GMDS: variants seen among roughly 807,000 people sequenced by gnomAD.
GMDS encodes the protein GDP-mannose 4,6 dehydratase.
A neutral mutation model predicts 49.9 loss-of-function variants in GMDS; 20 were observed. That is an observed-to-expected ratio of 0.40 (90% CI 0.28 to 0.58). The LOEUF (loss-of-function observed/expected upper bound fraction) is 0.58, where lower values mean the gene tolerates loss of function less well. GMDS is among the 20% of genes least tolerant of loss of function. The pLI, the probability that GMDS is intolerant of heterozygous loss-of-function variation, is 0.42. For synonymous variants in GMDS, 177 were observed against 178.6 expected, an observed-to-expected ratio of 0.99 and a Z score of 0.07; for missense variants, 362 against 481.4, an observed-to-expected ratio of 0.75 and a Z score of 2.32.
intron 8 of GMDS, among the ~76,000 whole-genome samples, chr6:1,732,682 C>T (rs1036501949): frequency 1.3e-5 from 2 of 152,174 alleles, no homozygotes; most frequent in African/African-American, 2.4e-5. Flanking sequence ...GAACAACAAA[C>T]ATTTCTGTAT....
Position 2,230,229 on chromosome 6 carries a change from A to G in GMDS, c.102+15092T>C, listed in dbSNP as rs544005735. ...GTCCTACTAAAAGTTTCCATTACAC[A>G]TGCTATAAATTTTGACTGATGAAAA... On this transcript the variant is annotated intron_variant, in intron 1 of 10. Coordinates refer to ENST00000380815, the MANE Select transcript of GMDS (RefSeq NM_001500.4). 1.2e-4 allele frequency among the ~76,000 whole-genome samples: 19 copies of G among 152,352 alleles called. No individual in the cohort carries two copies. In the East Asian group the frequency reaches 3.1e-3, roughly 25 times the overall value.
At chr6:1,970,862 C>T (rs1764565106) in intron 4 of GMDS, among the ~76,000 whole-genome samples, 1 of 151,940 alleles carries the variant, frequency 6.6e-6, no homozygotes, top group Non-Finnish European at 1.5e-5. Flanking sequence ...GGGCTTAATA[C>T]CTAGGTGATG....
rs142479628 is a variant in GMDS, at chr6:2,017,899, T to C, written c.346-56933A>G. On this transcript the variant is annotated intron_variant, in intron 4 of 10. Transcript: ENST00000380815. ...AAAATTAAGCCATATTGTCACCAGG[T>C]CACCATTCTAACACTACTGAAGAAA... Among the ~76,000 whole-genome samples, 611 of 152,262 alleles carry C rather than the reference T, an allele frequency of 4.0e-3. 8 individuals carry two copies. The highest frequency in any genetic ancestry group is 0.014 in the African/African-American group (579 of 41,544).
At chr6:2,236,051 C>A (rs1162510671) in intron 1 of GMDS, among the ~76,000 whole-genome samples, 1 of 152,168 alleles carries the variant, frequency 6.6e-6, no homozygotes, top group Non-Finnish European at 1.5e-5. Flanking sequence ...CTCTCTGGAG[C>A]AGATGGAAGA....
At position 2,100,562 on chromosome 6, in the gene GMDS, C is replaced by T. The variant is rs755864891; in HGVS notation, c.345+15209G>A. On this transcript the variant is annotated intron_variant, in intron 4 of 10. Coordinates refer to ENST00000380815, the MANE Select transcript of GMDS (RefSeq NM_001500.4). ...AATGTAAATAAACTACAGATTATTC[C>T]GTAAAATATTTTGTATGTGGCAACA... Among the ~76,000 whole-genome samples, 23 of 151,980 alleles carry T rather than the reference C, an allele frequency of 1.5e-4. No individual in the cohort carries two copies. The Middle Eastern group carries it at 0.01, about 67-fold the overall frequency.
At chr6:1,653,346 A>C (rs149649099) in intron 9 of GMDS, among the ~76,000 whole-genome samples, 53 of 152,340 alleles carry the variant, frequency 3.5e-4, no homozygotes, top group African/African-American at 1.2e-3. Flanking sequence ...TGGAAGACTT[A>C]CTATTGTTAG....
chr6:1,851,229 G>C (rs1757653546), intron 7 of GMDS, among the ~76,000 whole-genome samples: 1 of 152,190 alleles, frequency 6.6e-6, no homozygotes, highest in Non-Finnish European at 1.5e-5. Flanking sequence ...AAACTTGTAT[G>C]TTTGTCCCAA....
chr6:2,001,043 C>T (rs1033998823), intron 4 of GMDS, among the ~76,000 whole-genome samples: 8 of 152,124 alleles, frequency 5.3e-5, no homozygotes, highest in African/African-American at 1.4e-4. Flanking sequence ...GGTAGTTCTA[C>T]GGTTAACAAT....
chr6:2,042,910 A>G (rs964237811), intron 4 of GMDS, among the ~76,000 whole-genome samples: 1 of 152,244 alleles, frequency 6.6e-6, no homozygotes, highest in Non-Finnish European at 1.5e-5. Flanking sequence ...CAAAATGTTT[A>G]GGTAAAGTGA....
At chr6:2,139,955 G>A (rs1026752395) in intron 1 of GMDS, among the ~76,000 whole-genome samples, 10 of 152,222 alleles carry the variant, frequency 6.6e-5, no homozygotes, top group African/African-American at 2.4e-4. Flanking sequence ...GCAGCTGAGC[G>A]CAGGAGGAGT....
chr6:2,094,438 TG>T (rs1181158713), intron 4 of GMDS, among the ~76,000 whole-genome samples: 1 of 152,200 alleles, frequency 6.6e-6, no homozygotes, highest in Non-Finnish European at 1.5e-5. Flanking sequence ...GCATTTTAAT[TG>T]TCACTCAACA....
At chr6:2,227,626 A>G (rs911892475) in intron 1 of GMDS, among the ~76,000 whole-genome samples, 4 of 152,242 alleles carry the variant, frequency 2.6e-5, no homozygotes, top group African/African-American at 9.6e-5. Context: ...CTGAGATTGC[A>G]CTGGATGCAG....
In GMDS at chr6:2,220,064, T is replaced by C. The variant is rs144216574; in HGVS notation, c.102+25257A>G. On this transcript the variant is annotated intron_variant, in intron 1 of 10. Coordinates refer to ENST00000380815, the MANE Select transcript of GMDS (RefSeq NM_001500.4). Reference sequence around the variant, plus strand: ...GGCTTATTCAAGGGCTAGGGCAGTGTGCATTCACAATAAAACATGAAATCC... The same window carrying C: ...GGCTTATTCAAGGGCTAGGGCAGTGCGCATTCACAATAAAACATGAAATCC... 7.2e-5 allele frequency among the ~76,000 whole-genome samples: 11 copies of C among 152,324 alleles called. No homozygotes were observed. In the East Asian group the frequency reaches 2.1e-3, roughly 29 times the overall value.
At chr6:2,168,575 T>C (rs1428994683) in intron 1 of GMDS, among the ~76,000 whole-genome samples, 1 of 152,240 alleles carries the variant, frequency 6.6e-6, no homozygotes, top group Non-Finnish European at 1.5e-5. Flanking sequence ...ACCCTAACTA[T>C]GCTTCCATTT....
intron 7 of GMDS, among the ~76,000 whole-genome samples, chr6:1,871,223 G>C (rs77848675): frequency 1.3e-5 from 2 of 152,126 alleles, no homozygotes; most frequent in African/African-American, 4.8e-5. Context: ...GTGACTTCTC[G>C]GCCTCACTGT....
At chr6:2,183,906 G>A (rs1267270424) in intron 1 of GMDS, among the ~76,000 whole-genome samples, 2 of 152,180 alleles carry the variant, frequency 1.3e-5, no homozygotes, top group African/African-American at 4.8e-5. Flanking sequence ...CTTTAGTTAT[G>A]TACATTTTTT....
Position 1,664,116 on chromosome 6 carries a change from A to G in GMDS, c.988-39576T>C, listed in dbSNP as rs188272676. 2.7e-4 allele frequency among the ~76,000 whole-genome samples: 41 copies of G among 152,354 alleles called. 1 individual carries two copies. The East Asian group carries it at 6.8e-3, about 25-fold the overall frequency. On this transcript the variant is annotated intron_variant, in intron 9 of 10. Coordinates refer to ENST00000380815, the MANE Select transcript of GMDS (RefSeq NM_001500.4). ...CTAAAAGTTGCTTATAAAAAGAAAA[A>G]GAAGTAACCTAGTCAAATTTTACTT...
At chr6:1,659,573 G>T (rs988391060) in intron 9 of GMDS, among the ~76,000 whole-genome samples, 11 of 152,156 alleles carry the variant, frequency 7.2e-5, no homozygotes, top group Admixed American at 5.9e-4. Context: ...ACAGGAAAAG[G>T]TTGGCAGCTG....
chr6:2,035,078 A>G (rs985886771), intron 4 of GMDS, among the ~76,000 whole-genome samples: 1 of 152,156 alleles, frequency 6.6e-6, no homozygotes, highest in Non-Finnish European at 1.5e-5. Context: ...TCAGGCCTCT[A>G]ACTTATAGCT....
Sources: gnomAD v4.1 joint callset for allele counts (sites outside exome capture counted in the v4.1 genomes callset) on GRCh38, gnomAD v4.1.1 for gene constraint, MANE v1.5 for transcripts, NCBI Gene and HGNC (gene_info 2026-07-23, HGNC 2026-07-21) for gene names.